The following PACRG variants were observed in gnomAD, a reference collection of about 807,000 sequenced individuals.
PACRG encodes the protein parkin coregulated.
PACRG carries 29 observed loss-of-function variants against 29.7 expected under a neutral mutation model. The ratio of observed to expected loss-of-function variants is 0.98; its 90% confidence interval spans 0.73 to 1.33. The LOEUF is 1.33. Among genes scored for constraint, PACRG ranks in the 40% most tolerant of loss-of-function variants. The pLI, the probability that PACRG is intolerant of heterozygous loss-of-function variation, is 0.00. For missense variants in PACRG, 279 were observed against 316.2 expected (o/e 0.88, Z 0.89); for synonymous variants, 116 against 118.7 (o/e 0.98, Z 0.15).
chr6:162,992,945 T>C (rs530793301), intron 2 of PACRG, among the ~76,000 whole-genome samples: 1 of 152,128 alleles, frequency 6.6e-6, no homozygotes, highest in East Asian at 1.9e-4. Flanking sequence ...GTTGTGTCTC[T>C]GTTCTCGTTG....
intron 3 of PACRG, among the ~76,000 whole-genome samples, chr6:163,079,378 T>C (rs1431948706): frequency 2.0e-5 from 3 of 150,542 alleles, no homozygotes; most frequent in East Asian, 3.9e-4. Flanking sequence ...CATTAGTGCG[T>C]ATTACTTGGA....
chr6:162,789,303 A>G (rs1784755364), intron 1 of PACRG, among the ~76,000 whole-genome samples: 1 of 152,198 alleles, frequency 6.6e-6, no homozygotes, highest in Non-Finnish European at 1.5e-5. Context: ...CATTTTTAAT[A>G]ATATTTCTAT....
At chr6:163,043,491 G>A (rs1292272874) in intron 2 of PACRG, among the ~76,000 whole-genome samples, 1 of 152,106 alleles carries the variant, frequency 6.6e-6, no homozygotes, top group Non-Finnish European at 1.5e-5. Flanking sequence ...GGCGGAGCTT[G>A]CAGTGAGCCG....
At chr6:162,944,376 T>G (rs1443755444) in intron 2 of PACRG, among the ~76,000 whole-genome samples, 3 of 152,182 alleles carry the variant, frequency 2.0e-5, no homozygotes, top group African/African-American at 7.2e-5. Context: ...TTGTGTCAGA[T>G]GTGCACATAT....
chr6:163,174,397 T>G (rs951729751), intron 4 of PACRG, among the ~76,000 whole-genome samples: 1 of 152,252 alleles, frequency 6.6e-6, no homozygotes, highest in Non-Finnish European at 1.5e-5. Flanking sequence ...TGGGAACTTC[T>G]GAATATGACC....
At position 163,290,253 on chromosome 6, in the gene PACRG, C is replaced by T. The variant is rs1356903626; in HGVS notation, c.614-24574C>T. 2.0e-5 allele frequency among the ~76,000 whole-genome samples: 3 copies of T among 150,760 alleles called. No homozygotes were observed. The South Asian group carries it at 6.3e-4, about 32-fold the overall frequency. On this transcript the variant is annotated intron_variant, in intron 4 of 4. Coordinates refer to ENST00000366888, the MANE Select transcript of PACRG (RefSeq NM_001080379.2). ...CAAATTCACTTAATTATCATACGCA[C>T]ATGTGCGCATGCACGCGCGCGCGCG...
At chr6:163,170,149 C>T (rs954055484) in intron 4 of PACRG, among the ~76,000 whole-genome samples, 8 of 152,056 alleles carry the variant, frequency 5.3e-5, no homozygotes, top group Non-Finnish European at 1.2e-4. Context: ...ACAGTTCAGC[C>T]CGTAACCAGA....
chr6:163,066,931 A>T (rs1248200101), intron 3 of PACRG, among the ~76,000 whole-genome samples: 1 of 152,242 alleles, frequency 6.6e-6, no homozygotes, highest in Admixed American at 6.5e-5. Flanking sequence ...AATATTCACA[A>T]CAAAAATTTA....
chr6:163,085,376 C>T (rs1262751378), intron 3 of PACRG, among the ~76,000 whole-genome samples: 1 of 152,120 alleles, frequency 6.6e-6, no homozygotes, highest in Non-Finnish European at 1.5e-5. Flanking sequence ...GAAAGAAACC[C>T]AGGATCTCAA....
intron 4 of PACRG, among the ~76,000 whole-genome samples, chr6:163,090,716 G>T (rs774262140): frequency 6.6e-6 from 1 of 152,094 alleles, no homozygotes; most frequent in Non-Finnish European, 1.5e-5. Flanking sequence ...AACTAAGGTC[G>T]ATAAAAGAAA....
intron 2 of PACRG, among the ~76,000 whole-genome samples, chr6:163,001,146 T>C (rs1394772450): frequency 6.6e-6 from 1 of 152,196 alleles, no homozygotes; most frequent in Non-Finnish European, 1.5e-5. Flanking sequence ...TATGCTGCAG[T>C]GTAAGCTGAA....
At chr6:162,749,431 G>T (rs1781345983) in intron 1 of PACRG, among the ~76,000 whole-genome samples, 1 of 152,152 alleles carries the variant, frequency 6.6e-6, no homozygotes, top group Non-Finnish European at 1.5e-5. Context: ...ATCTTACAGG[G>T]ATATAGTTTA....
At chr6:163,223,269 C>T (rs1781658579) in intron 4 of PACRG, among the ~76,000 whole-genome samples, 1 of 152,116 alleles carries the variant, frequency 6.6e-6, no homozygotes, top group African/African-American at 2.4e-5. Flanking sequence ...TGGCAGGTGC[C>T]TGTAATCCCA....
intron 1 of PACRG, among the ~76,000 whole-genome samples, chr6:162,794,828 A>G (rs1248325745): frequency 6.6e-6 from 1 of 152,238 alleles, no homozygotes; most frequent in African/African-American, 2.4e-5. Flanking sequence ...ATGATTCCTC[A>G]TGGAGCTTAT....
At chr6:163,072,861 G>C (rs1749056) in intron 3 of PACRG, among the ~76,000 whole-genome samples, 71,505 of 151,818 alleles carry the variant, frequency 0.47, 18,857 homozygotes, top group East Asian at 0.94. Flanking sequence ...ATTTACAATA[G>C]CCACAGATAA....
At position 162,835,596 on chromosome 6, in the gene PACRG, G is replaced by T. The variant is rs531439510; in HGVS notation, c.291+21315G>T. 5.3e-5 allele frequency among the ~76,000 whole-genome samples: 8 copies of T among 152,184 alleles called. No homozygotes were observed. The South Asian group carries it at 1.7e-3, about 32-fold the overall frequency. On this transcript the variant is annotated intron_variant, in intron 2 of 4. Transcript: ENST00000366888. ...ATTTAATTATACATCTTAAAATATA[G>T]GTTTGATCATGCATCTCGACAATGA... is the stretch of plus-strand genomic sequence containing the variant.
At chr6:163,145,566 TG>T (rs1777759856) in intron 4 of PACRG, among the ~76,000 whole-genome samples, 1 of 152,200 alleles carries the variant, frequency 6.6e-6, no homozygotes, top group African/African-American at 2.4e-5. Context: ...AGGGGATGTT[TG>T]GTTGCTCCCA....
intron 2 of PACRG, among the ~76,000 whole-genome samples, chr6:163,009,902 T>C (rs1805455881): frequency 2.0e-5 from 3 of 152,248 alleles, no homozygotes; most frequent in Non-Finnish European, 4.4e-5. Context: ...GATTAAATAC[T>C]CATATCTTCA....
chr6:163,190,814 CAACTT>C, intron 4 of PACRG: 1 of 372,398 alleles, frequency 2.7e-6, no homozygotes, highest in Non-Finnish European at 5.4e-6. Flanking sequence ...AAGTCAGAAA[CAACTT>C]AACAACTTCG....
Sources: allele counts gnomAD v4.1 joint callset (sites outside exome capture counted in the v4.1 genomes callset), GRCh38; gene constraint gnomAD v4.1.1; transcripts MANE v1.5; gene names NCBI Gene and HGNC (gene_info 2026-07-23, HGNC 2026-07-21).